RYR3: variants seen among roughly 807,000 people sequenced by gnomAD.
The protein encoded by RYR3 is brain ryanodine receptor-calcium release channel.
Under a neutral mutation model 584.3 loss-of-function variants are expected in RYR3, and 207 were observed. That is an observed-to-expected ratio of 0.35 (90% CI 0.32 to 0.40). The LOEUF (loss-of-function observed/expected upper bound fraction) is 0.40. Among genes scored for constraint, RYR3 ranks in the 10% least tolerant of loss-of-function variants. The pLI is 1.00. For synonymous variants in RYR3, 2,416 were observed against 2,248.5 expected (o/e 1.07, Z -2.11); for missense variants, 5,616 against 6,089.2 (o/e 0.92, Z 2.59).
At chr15:33,664,873 A>G (rs767118403) in intron 36 of RYR3, among the ~76,000 whole-genome samples, 1 of 152,232 alleles carries the variant, frequency 6.6e-6, no homozygotes. Context: ...TAAAACGTAG[A>G]TATCTATATT....
intron 1 of RYR3, among the ~76,000 whole-genome samples, chr15:33,463,942 C>T (rs1221731684): frequency 6.6e-6 from 1 of 152,180 alleles, no homozygotes; most frequent in Non-Finnish European, 1.5e-5. Context: ...CAGCAAAAAT[C>T]ATAAAAGAAT....
chr15:33,384,949 A>G (rs1363254931), intron 1 of RYR3, among the ~76,000 whole-genome samples: 1 of 152,228 alleles, frequency 6.6e-6, no homozygotes, highest in African/African-American at 2.4e-5. Context: ...AAGGATAACT[A>G]TGAAAGAAAC....
intron 41 of RYR3, 50 bp from the exon 42 acceptor site, chr15:33,700,927 T>A: frequency 7.3e-7 from 1 of 1,371,168 alleles, no homozygotes; most frequent in East Asian, 2.4e-5. Flanking sequence ...AGCTCAGCAC[T>A]GAGTGTCTTC....
chr15:33,633,336 AG>A (rs1417944133), intron 24 of RYR3, among the ~76,000 whole-genome samples: 1 of 152,222 alleles, frequency 6.6e-6, no homozygotes. Flanking sequence ...TCTACTGGTG[AG>A]GATGAAATGG....
chr15:33,862,753 G>C (rs961643526), intron 102 of RYR3, among the ~76,000 whole-genome samples: 2 of 152,080 alleles, frequency 1.3e-5, no homozygotes, highest in Non-Finnish European at 2.9e-5. Flanking sequence ...TGGGACTACA[G>C]GCACCTGCCA....
At chr15:33,465,110 G>A (rs923926821) in intron 1 of RYR3, among the ~76,000 whole-genome samples, 3 of 152,142 alleles carry the variant, frequency 2.0e-5, no homozygotes, top group African/African-American at 4.8e-5. Context: ...CACTGTGTGT[G>A]TGTGCCACAT....
chr15:33,518,457 C>T (rs1331731364), intron 3 of RYR3, among the ~76,000 whole-genome samples: 2 of 151,906 alleles, frequency 1.3e-5, no homozygotes, highest in Non-Finnish European at 2.9e-5. Flanking sequence ...TTTGAGCTGG[C>T]CGCTCCCCCT....
rs377602819 is a variant in RYR3, at chr15:33,635,829, T to C, written c.3381+10T>C. The C allele has an allele frequency of 4.9e-5, 78 of 1,605,924 alleles. No homozygotes were observed. The highest frequency in any genetic ancestry group is 6.7e-5 in the Admixed American group (4 of 59,496). ...GTTTGAAGGCAACAGGGTGAGTTTATATATCTAGCAAACACCCATCCTCAG... is the reference window on the plus strand; with the variant it reads ...GTTTGAAGGCAACAGGGTGAGTTTACATATCTAGCAAACACCCATCCTCAG... On this transcript the variant is annotated intron_variant, in intron 26 of 103. Transcript: ENST00000634891.
At position 33,601,475 on chromosome 15, in the gene RYR3, C is replaced by G. The variant is rs1356777834; in HGVS notation, c.1845C>G (p.Asn615Lys). ...CLCNGVAVRA[N>K]QNLICDNLLP... ...GCAATGGGGTTGCAGTGAGAGCCAACCAGAATCTGATCTGTGACAACTTGC... is the reference window on the plus strand; with the variant it reads ...GCAATGGGGTTGCAGTGAGAGCCAAGCAGAATCTGATCTGTGACAACTTGC... The change falls in exon 17 of 104, where the codon AAC (asparagine) becomes AAG (lysine). Residue 615 changes from asparagine (N) to lysine (K), a missense_variant. This residue lies in a region of RYR3 where 1,284 missense variants were observed against 1,344.6 expected (regional missense o/e 0.95). Transcript: ENST00000634891. 2.5e-6 allele frequency: 4 copies of G among 1,613,398 alleles called. No homozygotes were observed. The highest frequency in any genetic ancestry group is 1.1e-5 in the South Asian group (1 of 90,954).
intron 43 of RYR3, among the ~76,000 whole-genome samples, chr15:33,712,355 G>C (rs1227007310): frequency 6.6e-6 from 1 of 152,182 alleles, no homozygotes; most frequent in East Asian, 1.9e-4. Flanking sequence ...GATGATGGCT[G>C]AGCCTAGGTA....
Position 33,356,870 on chromosome 15 carries a change from T to C in RYR3, c.51+45774T>C, listed in dbSNP as rs113231041. 6.4e-3 allele frequency among the ~76,000 whole-genome samples: 971 copies of C among 152,304 alleles called. 10 individuals carry two copies. The highest frequency in any genetic ancestry group is 0.013 in the South Asian group (64 of 4,820). On this transcript the variant is annotated intron_variant, in intron 1 of 103. Transcript: ENST00000634891. ...AGTAAATCACAGGTAGTAATAATTA[T>C]AATATGGAAAAATAGGCCTTCGGGG...
chr15:33,859,242 C>T (rs373560482), intron 99 of RYR3: 2 of 249,112 alleles, frequency 8.0e-6, no homozygotes, highest in Admixed American at 1.0e-4. Flanking sequence ...CAGGCTAACA[C>T]TCTTAAAATT....
intron 3 of RYR3, among the ~76,000 whole-genome samples, chr15:33,528,638 T>C (rs914168044): frequency 9.2e-5 from 14 of 152,342 alleles, no homozygotes; most frequent in Admixed American, 9.1e-4. Context: ...TGTTAAATCC[T>C]GACTGTGAAC....
chr15:33,643,466 G>T (rs1429336315), intron 27 of RYR3, among the ~76,000 whole-genome samples: 1 of 152,234 alleles, frequency 6.6e-6, no homozygotes, highest in African/African-American at 2.4e-5. Context: ...TCAAGCTACA[G>T]ATGTGAGTTT....
chr15:33,652,764 G>C lies in RYR3; in HGVS notation c.4189G>C (p.Ala1397Pro), dbSNP rs774475914. The C allele has an allele frequency of 6.2e-7, 1 of 1,613,848 alleles. No individual in the cohort carries two copies. Among genetic ancestry groups the C allele is most frequent in the Non-Finnish European group, 8.5e-7 (1 of 1,179,818 alleles). Residue 1397 changes from alanine (A) to proline (P), a missense_variant, in exon 32 of 104, where the codon GCC (alanine) becomes CCC (proline). Transcript: ENST00000634891. ...CYMVWGGDIV[A>P]SSQRSNRSNV... is the part of the protein sequence containing the mutation. Reference sequence around the variant, plus strand: ...CATGGTCTGGGGTGGAGACATTGTAGCCAGTTCCCAGAGATCAAATCGGAG... The same window carrying C: ...CATGGTCTGGGGTGGAGACATTGTACCCAGTTCCCAGAGATCAAATCGGAG...
chr15:33,351,558 AC>A (rs1304197129), intron 1 of RYR3, among the ~76,000 whole-genome samples: 1 of 151,578 alleles, frequency 6.6e-6, no homozygotes, highest in Non-Finnish European at 1.5e-5. Flanking sequence ...AAGCTTATCC[AC>A]CATGATCAAG....
intron 64 of RYR3, 148 bp downstream of exon 64, chr15:33,773,763 G>T: frequency 1.5e-6 from 1 of 653,826 alleles, no homozygotes; most frequent in Non-Finnish European, 2.8e-6. Context: ...TTTATGACAT[G>T]CTTTTGGCAA....
At chr15:33,737,499 C>T (rs911091294) in intron 49 of RYR3, among the ~76,000 whole-genome samples, 1 of 152,146 alleles carries the variant, frequency 6.6e-6, no homozygotes, top group Non-Finnish European at 1.5e-5. Flanking sequence ...CCTTTATAGT[C>T]CAAGCGAGCA....
intron 43 of RYR3, among the ~76,000 whole-genome samples, chr15:33,710,008 T>G (rs1276734328): frequency 1.3e-5 from 2 of 152,188 alleles, no homozygotes; most frequent in Non-Finnish European, 2.9e-5. Context: ...GTTAGAATAA[T>G]GAGTTTCTAA....
Sources: allele counts gnomAD v4.1 joint callset (sites outside exome capture counted in the v4.1 genomes callset), GRCh38; gene constraint gnomAD v4.1.1; regional missense constraint gnomAD v4.1.1; transcripts MANE v1.5; gene names NCBI Gene and HGNC (gene_info 2026-07-23, HGNC 2026-07-21).